Variants in AHNAK observed in about 807,000 individuals in gnomAD.
AHNAK encodes neuroblast differentiation-associated protein AHNAK.
Under a neutral mutation model 37.8 loss-of-function variants are expected in AHNAK, and 23 were observed. The ratio of observed to expected loss-of-function variants is 0.61; its 90% CI spans 0.44 to 0.86. AHNAK has a LOEUF of 0.86. Among genes scored for constraint, AHNAK ranks in the 40% least tolerant of loss-of-function variants. The pLI is 0.00. For synonymous variants in AHNAK, 2,481 were observed against 2,636.3 expected (o/e 0.94, Z 1.80); for missense variants, 7,411 against 7,319.4 (o/e 1.01, Z -0.46).
intron 1 of AHNAK, chr11:62,542,114 C>A (rs77869753): frequency 0.047 from 7,108 of 152,464 alleles, 246 homozygotes; most frequent in Non-Finnish European, 0.071. Context: ...ACTTGGGCAC[C>A]TTCAAAGAAA....
At chr11:62,508,516 T>C (rs1384879195) in intron 4 of AHNAK, among the ~76,000 whole-genome samples, 1 of 152,212 alleles carries the variant, frequency 6.6e-6, no homozygotes, top group Non-Finnish European at 1.5e-5. Flanking sequence ...TTCGTAACCC[T>C]TTCCCATCCT....
chr11:62,543,373 C>T (rs898763948), intron 1 of AHNAK, among the ~76,000 whole-genome samples: 1 of 152,194 alleles, frequency 6.6e-6, no homozygotes, highest in Non-Finnish European at 1.5e-5. Context: ...CATCCAGGCA[C>T]GCCACAAGGG....
At position 62,516,651 on chromosome 11, in the gene AHNAK, G is replaced by A. The variant is rs980954341; in HGVS notation, c.*93C>T. 36 of 1,505,256 alleles carry A rather than the reference G, an allele frequency of 2.4e-5. No homozygotes were observed. The highest frequency in any genetic ancestry group is 1.4e-4 in the African/African-American group (10 of 71,524). The allele number at this position is 1,505,256 out of a possible 1,614,324, so 93.2% of individuals were successfully genotyped here. On this transcript the variant is annotated 3_prime_UTR_variant, in exon 5 of 5. Coordinates refer to ENST00000378024, the MANE Select transcript of AHNAK (RefSeq NM_001620.3). ...TCTTTGCATGATTGCTGAGGCAGTC[G>A]GTGTGTTTCCCTTTGGAGTTTATAT... is the stretch of plus-strand genomic sequence containing the variant.
At chr11:62,449,941 C>G (rs1283675517) in intron 5 of AHNAK, among the ~76,000 whole-genome samples, 1 of 152,024 alleles carries the variant, frequency 6.6e-6, no homozygotes, top group African/African-American at 2.4e-5. Context: ...TGTCTTTTTC[C>G]TGCGTGAAAA....
At position 62,529,008 on chromosome 11, in the gene AHNAK, C is replaced by T; in HGVS notation, c.5409G>A (p.Val1803=). Residue 1803 remains valine (V), a synonymous_variant, in exon 5 of 5, where the codon GTG becomes GTA. Transcript: ENST00000378024. ...PKLKGEIDAS[V]PELEGDLRGP... ...CTCTGAGATCACCTTCCAGTTCTGGCACAGAAGCATCTATCTCTCCCTTCA... is the reference window on the plus strand; with the variant it reads ...CTCTGAGATCACCTTCCAGTTCTGGTACAGAAGCATCTATCTCTCCCTTCA... 1 of 1,614,178 alleles carries T rather than the reference C, an allele frequency of 6.2e-7. No homozygotes were observed. The highest frequency in any genetic ancestry group is 2.2e-5 in the East Asian group (1 of 44,884).
intron 5 of AHNAK, among the ~76,000 whole-genome samples, chr11:62,440,061 G>C (rs1444413237): frequency 6.6e-6 from 1 of 152,176 alleles, no homozygotes; most frequent in African/African-American, 2.4e-5. Context: ...GGACTGGACA[G>C]TTCCTTGCCA....
At chr11:62,491,933 A>G in intron 4 of AHNAK, 1 of 1,024,832 alleles carries the variant, frequency 9.8e-7, no homozygotes, top group Non-Finnish European at 1.4e-6. Flanking sequence ...CAGAGACCCC[A>G]CGTTTACCAC....
At position 62,530,819 on chromosome 11, in the gene AHNAK, C is replaced by T; in HGVS notation, c.3598G>A (p.Val1200Met). The T allele has an allele frequency of 6.2e-7, 1 of 1,613,844 alleles. No individual in the cohort carries two copies. Among genetic ancestry groups the T allele is most frequent in the Non-Finnish European group, 8.5e-7 (1 of 1,179,984 alleles). Reference sequence around the variant, plus strand: ...TTGGGGCCTTTCAAGTGTAAGTCCACATCAGGCATGGAGATCTTGGGGGTC... The same window carrying T: ...TTGGGGCCTTTCAAGTGTAAGTCCATATCAGGCATGGAGATCTTGGGGGTC... ...FKTPKISMPD[V>M]DLHLKGPKVK... Residue 1200 changes from valine (V) to methionine (M), a missense_variant, in exon 5 of 5, where the codon GTG becomes ATG. Transcript: ENST00000378024.
In AHNAK at chr11:62,496,006, G is replaced by A. The variant is rs1327730503; in HGVS notation, c.343-4175C>T. Among the ~76,000 whole-genome samples the A allele has an allele frequency of 6.0e-5, 9 of 150,486 alleles. No homozygotes were observed. In the South Asian group the frequency reaches 1.3e-3, roughly 21 times the overall value. ...GGAGGCTGCAGTGAGCCAAGATTGC[G>A]CCACTGCACTCCAGCATGGGTGACA... On this transcript the variant is annotated intron_variant, in intron 4 of 5. Transcript: ENST00000257247.
intron 5 of AHNAK, among the ~76,000 whole-genome samples, chr11:62,467,060 C>T (rs989632191): frequency 6.6e-6 from 1 of 151,976 alleles, no homozygotes; most frequent in African/African-American, 2.4e-5. Flanking sequence ...AAAACTTAGC[C>T]AGGCCTGGAG....
In AHNAK at chr11:62,517,023, C is replaced by G. The variant is rs570830533; in HGVS notation, c.17394G>C (p.Thr5798=). 3.1e-6 allele frequency: 5 copies of G among 1,614,218 alleles called. No individual in the cohort carries two copies. The South Asian group carries it at 5.5e-5, about 18-fold the overall frequency. ...EFSGPSTPTG[T]LEFEGGEVSL... The stretch of plus-strand genomic sequence containing the variant: ...ACACTTCCCCACCTTCAAACTCCAG[C>G]GTCCCCGTCGGGGTGGAAGGTCCAG... The change falls in exon 5 of 5, where the codon ACG becomes ACC. Residue 5798 remains threonine, a synonymous_variant. Coordinates refer to ENST00000378024, the MANE Select transcript of AHNAK (RefSeq NM_001620.3).
intron 5 of AHNAK, among the ~76,000 whole-genome samples, chr11:62,471,827 A>AGGAGAAAGAGAATGGCAG (rs1939042238): frequency 6.6e-6 from 1 of 151,854 alleles, no homozygotes; most frequent in African/African-American, 2.4e-5. Flanking sequence ...ACTGGCAGTT[A>AGGAGAAAGAGAATGGCAG]GGAGAAAGAG....
At chr11:62,437,428 C>T (rs1938198321) in intron 5 of AHNAK, among the ~76,000 whole-genome samples, 1 of 114,724 alleles carries the variant, frequency 8.7e-6, no homozygotes, top group Non-Finnish European at 2.2e-5. Flanking sequence ...CAATCTCAGC[C>T]ACTGCAACAT....
At chr11:62,482,346 C>T (rs1372857087) in intron 5 of AHNAK, among the ~76,000 whole-genome samples, 1 of 151,418 alleles carries the variant, frequency 6.6e-6, no homozygotes, top group Non-Finnish European at 1.5e-5. Flanking sequence ...GCCCAGGAGG[C>T]AAAGGTTGCA....
In AHNAK at chr11:62,535,133, G is replaced by A. The variant is rs754563030; in HGVS notation, c.212C>T (p.Thr71Ile). The stretch of plus-strand genomic sequence containing the variant: ...GTGCCCCATGGTGTTCAGCAGCTGG[G>A]TCACCTCACCCGACTGCAGGTTGTC... ...YFDNLQSGEV[T>I]QLLNTMGHHT... Residue 71 changes from threonine (T) to isoleucine (I), a missense_variant, in exon 4 of 5, where the codon ACC becomes ATC. Coordinates refer to ENST00000378024, the MANE Select transcript of AHNAK (RefSeq NM_001620.3). 1.2e-6 allele frequency: 2 copies of A among 1,613,716 alleles called. No individual in the cohort carries two copies. Among genetic ancestry groups the A allele is most frequent in the South Asian group, 2.2e-5 (2 of 91,076 alleles).
rs1237533247 is a variant in AHNAK, at chr11:62,530,415, C to T, written c.4002G>A (p.Gly1334=). The change falls in exon 5 of 5, where the codon GGG becomes GGA. Residue 1334 remains glycine (G), a synonymous_variant. Coordinates refer to ENST00000378024, the MANE Select transcript of AHNAK (RefSeq NM_001620.3). ...SMPDVDLNLK[G]PKLKGDVDVS... is the part of the protein sequence containing the mutation. The stretch of plus-strand genomic sequence containing the variant: ...CATCCACATCTCCCTTCAATTTTGG[C>T]CCCTTAAGATTCAGGTCCACATCAG... 6.2e-6 allele frequency: 10 copies of T among 1,613,976 alleles called. No individual in the cohort carries two copies. Among genetic ancestry groups the T allele is most frequent in the Non-Finnish European group, 8.5e-6 (10 of 1,179,996 alleles).
At chr11:62,475,602 C>CTTTTTTTT (rs55773953) in intron 5 of AHNAK, among the ~76,000 whole-genome samples, 6 of 118,048 alleles carry the variant, frequency 5.1e-5, no homozygotes, top group East Asian at 3.1e-4. Flanking sequence ...TTATGTTATA[C>CTTTTTTTT]TTTTTTTTTT....
At chr11:62,454,199 G>A (rs528447013) in intron 5 of AHNAK, among the ~76,000 whole-genome samples, 4 of 151,884 alleles carry the variant, frequency 2.6e-5, no homozygotes, top group Admixed American at 6.6e-5. Context: ...GGATCACGAG[G>A]TCAGGAGATC....
chr11:62,495,949 T>C (rs893472294), intron 4 of AHNAK, among the ~76,000 whole-genome samples: 9 of 150,898 alleles, frequency 6.0e-5, no homozygotes, highest in African/African-American at 2.2e-4. Flanking sequence ...CTCAGGAGGC[T>C]GTAGCAGGAG....
Sources: allele counts gnomAD v4.1 joint callset (sites outside exome capture counted in the v4.1 genomes callset), GRCh38; gene constraint gnomAD v4.1.1; transcripts MANE v1.5; gene names NCBI Gene and HGNC (gene_info 2026-07-23, HGNC 2026-07-21).